Variants in ZPLD1 observed in about 807,000 individuals in gnomAD.
ZPLD1 encodes the protein zona pellucida like domain containing 1.
ZPLD1 carries 34 observed loss-of-function variants against 47.2 expected under a neutral mutation model. That is an observed-to-expected ratio of 0.72 (90% CI 0.55 to 0.96). The LOEUF (loss-of-function observed/expected upper bound fraction) is 0.96. Among genes scored for constraint, ZPLD1 ranks in the 40% least tolerant of loss-of-function variants. The pLI is 0.00. For synonymous variants in ZPLD1, 176 were observed against 186.2 expected (o/e 0.95, Z 0.45); for missense variants, 512 against 505.8 (o/e 1.01, Z -0.12).
At chr3:102,425,894 T>C (rs1706939787) in intron 8 of ZPLD1, among the ~76,000 whole-genome samples, 1 of 150,902 alleles carries the variant, frequency 6.6e-6, no homozygotes. Flanking sequence ...CTTTGCAAAG[T>C]TCTATAACTT....
At chr3:102,434,561 T>A (rs919288427), upstream of ZPLD1, among the ~76,000 whole-genome samples, 1 of 152,134 alleles carries the variant, frequency 6.6e-6, no homozygotes, top group African/African-American at 2.4e-5. Flanking sequence ...TTACTTATAA[T>A]CCTCCTTCTC....
Position 102,464,152 on chromosome 3 carries a change from T to A in ZPLD1, c.681-19T>A. ...AAGGAAATTCTGACTCTAGATTATG[T>A]TTGCTTACATTCTTTCAGATGGAAT... is the stretch of plus-strand genomic sequence containing the variant. On this transcript the variant is annotated intron_variant, in intron 7 of 11. Transcript: ENST00000466937. 6.3e-7 allele frequency: 1 copy of A among 1,579,368 alleles called. No homozygotes were observed. Among genetic ancestry groups the A allele is most frequent in the South Asian group, 1.1e-5 (1 of 89,806 alleles).
intron 8 of ZPLD1, among the ~76,000 whole-genome samples, chr3:102,465,639 T>C (rs576895003): frequency 6.6e-6 from 1 of 152,300 alleles, no homozygotes; most frequent in Non-Finnish European, 1.5e-5. Flanking sequence ...ATCTGGAATA[T>C]GATCATCAGA....
chr3:102,427,189 A>G (rs554902891), intron 8 of ZPLD1, among the ~76,000 whole-genome samples: 1 of 152,226 alleles, frequency 6.6e-6, no homozygotes, highest in Admixed American at 6.5e-5. Context: ...CCTAAAGGCC[A>G]TTGAGAAACA....
At chr3:102,456,545 ATATCTATCTATCTATC>A (rs3077584) in intron 5 of ZPLD1, among the ~76,000 whole-genome samples, 171 bp downstream of exon 5, 18,449 of 147,090 alleles carry the variant, frequency 0.13, 1,255 homozygotes, top group Middle Eastern at 0.17. Flanking sequence ...TTTATCTATT[ATATCTATCTATCTATC>A]TATCTATCTA....
intron 3 of ZPLD1, among the ~76,000 whole-genome samples, chr3:102,439,105 G>T (rs1707135761): frequency 6.6e-6 from 1 of 152,054 alleles, no homozygotes; most frequent in South Asian, 2.1e-4. Context: ...AACATTGATG[G>T]GCATGTCCCA....
At chr3:102,469,172 T>G in intron 9 of ZPLD1, 37 bp downstream of exon 9, 1 of 1,592,596 alleles carries the variant, frequency 6.3e-7, no homozygotes, top group Non-Finnish European at 8.5e-7. Context: ...AGTTGTTGAA[T>G]TGATCTAAGC....
intron 10 of ZPLD1, among the ~76,000 whole-genome samples, chr3:102,472,532 A>AC (rs1491265202): frequency 1.1e-5 from 1 of 95,188 alleles, no homozygotes; most frequent in East Asian, 2.7e-4. Context: ...ACTCTGTCTC[A>AC]AAAAAAAAAA....
At position 102,473,850 on chromosome 3, in the gene ZPLD1, C is replaced by T. The variant is rs1707720186; in HGVS notation, c.1043-3162C>T. On this transcript the variant is annotated intron_variant, in intron 10 of 11. Transcript: ENST00000466937. ...TTTCCTTAGTTTCACTTTATTTTTA[C>T]CTTAGGTCAGCTAGAATTTATCTCT... Among the ~76,000 whole-genome samples the T allele has an allele frequency of 2.0e-5, 3 of 152,216 alleles. No individual in the cohort carries two copies. The East Asian group carries it at 5.8e-4, about 29-fold the overall frequency.
chr3:102,442,479 G>T (rs1040428645), intron 3 of ZPLD1, among the ~76,000 whole-genome samples: 3 of 152,032 alleles, frequency 2.0e-5, no homozygotes, highest in South Asian at 2.1e-4. Flanking sequence ...ATTTAGATGG[G>T]TATTATTTAA....
intron 3 of ZPLD1, among the ~76,000 whole-genome samples, chr3:102,450,735 T>C (rs946568360): frequency 6.6e-6 from 1 of 152,080 alleles, no homozygotes; most frequent in Non-Finnish European, 1.5e-5. Flanking sequence ...ACTAGTACAA[T>C]AGTCCAGGGG....
At chr3:102,433,691 T>C (rs1454399556), upstream of ZPLD1, among the ~76,000 whole-genome samples, 2 of 152,108 alleles carry the variant, frequency 1.3e-5, no homozygotes, top group African/African-American at 4.8e-5. Context: ...CACGCCCGGC[T>C]AATTTTTTTG....
At chr3:102,423,227 C>T (rs1706900957) in intron 8 of ZPLD1, among the ~76,000 whole-genome samples, 1 of 152,036 alleles carries the variant, frequency 6.6e-6, no homozygotes, top group African/African-American at 2.4e-5. Flanking sequence ...GGAGCATTAT[C>T]CTTTCTTGGA....
intron 6 of ZPLD1, among the ~76,000 whole-genome samples, chr3:102,385,832 T>C (rs991019357): frequency 6.6e-6 from 1 of 152,202 alleles, no homozygotes; most frequent in African/African-American, 2.4e-5. Context: ...CATGATTTAG[T>C]TTTAGTAGTA....
chr3:102,407,750 A>G (rs1282206242), intron 7 of ZPLD1, among the ~76,000 whole-genome samples: 1 of 151,626 alleles, frequency 6.6e-6, no homozygotes, highest in East Asian at 2.0e-4. Flanking sequence ...AATAAGAGAG[A>G]CATCGTTTTT....
chr3:102,410,361 T>G (rs1202759608), intron 7 of ZPLD1, among the ~76,000 whole-genome samples: 3 of 151,820 alleles, frequency 2.0e-5, no homozygotes, highest in Non-Finnish European at 4.4e-5. Context: ...CTTTTGTTTT[T>G]CTATTACTAC....
At chr3:102,411,927 A>G (rs1208062643) in intron 7 of ZPLD1, among the ~76,000 whole-genome samples, 1 of 151,738 alleles carries the variant, frequency 6.6e-6, no homozygotes. Context: ...GTTTTAAGAA[A>G]GAAATTGGCT....
intron 7 of ZPLD1, among the ~76,000 whole-genome samples, chr3:102,414,875 T>C (rs1706787093): frequency 6.6e-6 from 1 of 151,880 alleles, no homozygotes; most frequent in Non-Finnish European, 1.5e-5. Context: ...CAAAATAACA[T>C]TTTCTCTTTT....
rs188404666 is a variant in ZPLD1, at chr3:102,458,818, T to G, written c.582+965T>G. 2.8e-4 allele frequency among the ~76,000 whole-genome samples: 43 copies of G among 152,224 alleles called. No homozygotes were observed. In the East Asian group the frequency reaches 4.4e-3, roughly 16 times the overall value. On this transcript the variant is annotated intron_variant, in intron 6 of 11. Transcript: ENST00000466937. ...CAAAGAGAAGCTGTCGGCCGGGTGCTGTGGCTCACGCCTGTAATCCCAGCA... is the reference window on the plus strand; with the variant it reads ...CAAAGAGAAGCTGTCGGCCGGGTGCGGTGGCTCACGCCTGTAATCCCAGCA...
Sources: gnomAD v4.1 joint callset for allele counts (sites outside exome capture counted in the v4.1 genomes callset) on GRCh38, gnomAD v4.1.1 for gene constraint, MANE v1.5 for transcripts, NCBI Gene and HGNC (gene_info 2026-07-23, HGNC 2026-07-21) for gene names.